The following BID variants were observed in gnomAD, a reference collection of about 807,000 sequenced individuals.
The protein encoded by BID is BH3 interacting domain death agonist.
In BID, 19 loss-of-function variants were observed where a neutral mutation model predicts 17.4. The ratio of observed to expected loss-of-function variants is 1.09; its 90% CI spans 0.76 to 1.60. The LOEUF is 1.60. Among genes scored for constraint, BID ranks in the 40% most tolerant of loss-of-function variants. BID has a pLI of 0.00. For synonymous variants in BID, 108 were observed against 102.8 expected, an observed-to-expected ratio of 1.05 and a Z score of -0.31; for missense variants, 226 against 256.0, an observed-to-expected ratio of 0.88 and a Z score of 0.80.
intron 2 of BID, among the ~76,000 whole-genome samples, chr22:17,748,149 C>T (rs1265105243): frequency 6.7e-6 from 1 of 149,356 alleles, no homozygotes; most frequent in Non-Finnish European, 1.5e-5. Context: ...GCGGAGCTGG[C>T]AGTGAGCGGA....
In BID at chr22:17,769,768, G is replaced by A. The variant is rs1398916101; in HGVS notation, c.-59+4613C>T. Among the ~76,000 whole-genome samples the A allele has an allele frequency of 6.6e-6, 1 of 152,144 alleles. No homozygotes were observed. The highest frequency in any genetic ancestry group is 1.5e-5 in the Non-Finnish European group (1 of 68,008). On this transcript the variant is annotated intron_variant, in intron 1 of 5. Coordinates refer to ENST00000622694, the MANE Select transcript of BID (RefSeq NM_001196.4). The surrounding 1 kb of genome is among the most constrained non-coding windows in gnomAD (Gnocchi z 4.8). ...AACGCAGTGACCTCCAGCACCCAAA[G>A]CTCAGAGTTCCCAGCTGAACCCAGG...
At chr22:17,747,423 G>A (rs934012921) in intron 2 of BID, among the ~76,000 whole-genome samples, 1 of 152,044 alleles carries the variant, frequency 6.6e-6, no homozygotes, top group African/African-American at 2.4e-5. Context: ...CAGGTTCAAT[G>A]GATTCTCCTG....
In BID at chr22:17,746,979, T is replaced by C. The variant is rs537540692; in HGVS notation, c.13-2966A>G. Among the ~76,000 whole-genome samples the C allele has an allele frequency of 1.9e-3, 288 of 152,302 alleles. 1 individual carries two copies. Among genetic ancestry groups the C allele is most frequent in the African/African-American group, 6.6e-3 (273 of 41,568 alleles). On this transcript the variant is annotated intron_variant, in intron 2 of 5. Coordinates refer to ENST00000622694, the MANE Select transcript of BID (RefSeq NM_001196.4). ...TTCTTTTTGACCTGCGCTTGGTAAA[T>C]TGGCATCCAGAATCTGGACACAGAG... is the stretch of plus-strand genomic sequence containing the variant.
chr22:17,751,459 G>C (rs1601854213), intron 1 of BID, among the ~76,000 whole-genome samples: 1 of 147,542 alleles, frequency 6.8e-6, no homozygotes, highest in South Asian at 2.1e-4. Flanking sequence ...GTATTTGCCT[G>C]TGTGTGTGTG....
At chr22:17,753,677 T>TA (rs565642656) in intron 1 of BID, among the ~76,000 whole-genome samples, 5 of 152,360 alleles carry the variant, frequency 3.3e-5, no homozygotes, top group African/African-American at 1.2e-4. Context: ...TCCCAACTCC[T>TA]AAACAAAGTT....
At chr22:17,756,427 TC>T (rs2061585771) in intron 1 of BID, among the ~76,000 whole-genome samples, 1 of 56,418 alleles carries the variant, frequency 1.8e-5, no homozygotes, top group Non-Finnish European at 4.1e-5. Context: ...TTTCTTTCTT[TC>T]TTTCTTCTTT....
At chr22:17,746,905 G>A (rs892296054) in intron 2 of BID, among the ~76,000 whole-genome samples, 4 of 152,148 alleles carry the variant, frequency 2.6e-5, no homozygotes, top group African/African-American at 7.2e-5. Flanking sequence ...GCTTGGAACC[G>A]CCTACAGCAG....
intron 1 of BID, among the ~76,000 whole-genome samples, chr22:17,764,785 C>T (rs2061666729): frequency 6.6e-6 from 1 of 152,146 alleles, no homozygotes; most frequent in Admixed American, 6.5e-5. Context: ...TTGAGGGTTG[C>T]TTTGATCCTG....
At chr22:17,736,449 TTC>T (rs1011193899) in intron 5 of BID, among the ~76,000 whole-genome samples, 1 of 91,118 alleles carries the variant, frequency 1.1e-5, no homozygotes, top group Admixed American at 1.3e-4. Flanking sequence ...AAGAGCAAAA[TTC>T]TGTCTCAAAA....
rs761599447 is a variant in BID at position 17,739,364 on chromosome 22, G to A, written c.348C>T (p.Thr116=). ...VNGLALQLRN[T]SRSEEDRNRD... is the part of the protein sequence containing the mutation. Reference sequence around the variant, plus strand: ...CCTCACTCACCTCCTCCGACCGGCTGGTGTTCCTGAGCTGCAGGGCCAGGC... The same window carrying A: ...CCTCACTCACCTCCTCCGACCGGCTAGTGTTCCTGAGCTGCAGGGCCAGGC... The change falls in exon 4 of 6, where the codon ACC becomes ACT. Residue 116 remains threonine (T), a synonymous_variant. Coordinates refer to ENST00000622694, the MANE Select transcript of BID (RefSeq NM_001196.4). The A allele has an allele frequency of 2.5e-6, 4 of 1,598,328 alleles. No homozygotes were observed. In the African/African-American group the frequency reaches 5.3e-5, roughly 21 times the overall value.
intron 1 of BID, among the ~76,000 whole-genome samples, chr22:17,760,609 C>T (rs762735578): frequency 2.0e-5 from 3 of 152,022 alleles, no homozygotes; most frequent in Non-Finnish European, 2.9e-5. Flanking sequence ...AGCAAACCAC[C>T]ACAATTCAGT....
intron 3 of BID, chr22:17,740,810 C>T (rs965364472): frequency 2.0e-5 from 3 of 152,602 alleles, no homozygotes; most frequent in African/African-American, 7.3e-5. Flanking sequence ...TGGGAGGACT[C>T]CTTGAGGCCA....
Position 17,738,013 on chromosome 22 carries a change from T to C in BID, c.576+4A>G. 1 of 1,614,004 alleles carries C rather than the reference T, an allele frequency of 6.2e-7. No homozygotes were observed. Among genetic ancestry groups the C allele is most frequent in the Non-Finnish European group, 8.5e-7 (1 of 1,179,868 alleles). Reference sequence around the variant, plus strand: ...GGGAAGGAGCTGACCTCAAGGGTTCTTACATTTCTGGCTAAGCTCCTCACG... The same window carrying C: ...GGGAAGGAGCTGACCTCAAGGGTTCCTACATTTCTGGCTAAGCTCCTCACG... On this transcript the variant is annotated splice_donor_region_variant and intron_variant, in intron 5 of 5. Coordinates refer to ENST00000622694, the MANE Select transcript of BID (RefSeq NM_001196.4).
intron 1 of BID, among the ~76,000 whole-genome samples, chr22:17,759,914 G>A (rs373374929): frequency 8.6e-4 from 131 of 151,914 alleles, no homozygotes; most frequent in East Asian, 2.7e-3. Flanking sequence ...AGGCCGAAGC[G>A]GGTGGATCAC....
rs374066180 is a variant in BID at position 17,761,581 on chromosome 22, G to A, written c.-58-11407C>T. Among the ~76,000 whole-genome samples the A allele has an allele frequency of 3.3e-5, 5 of 152,036 alleles. No individual in the cohort carries two copies. In the South Asian group the frequency reaches 8.3e-4, roughly 25 times the overall value. ...CGAGTAGCTGGGACTACAGGCGCCCGCCACCACGCCCGGCTAATTTTTTGT... is the reference window on the plus strand; with the variant it reads ...CGAGTAGCTGGGACTACAGGCGCCCACCACCACGCCCGGCTAATTTTTTGT... On this transcript the variant is annotated intron_variant, in intron 1 of 5. Coordinates refer to ENST00000622694, the MANE Select transcript of BID (RefSeq NM_001196.4).
intron 2 of BID, 124 bp downstream of exon 2, chr22:17,749,981 G>A: frequency 2.1e-6 from 2 of 938,794 alleles, no homozygotes; most frequent in Non-Finnish European, 3.2e-6. Context: ...CGTCTGTGCC[G>A]AGCTGTGGTA....
intron 1 of BID, among the ~76,000 whole-genome samples, chr22:17,753,030 A>G (rs1418869288): frequency 1.5e-4 from 18 of 119,442 alleles, no homozygotes; most frequent in Non-Finnish European, 2.3e-4. Context: ...GCAGTGGCGC[A>G]ATCTCGGCTC....
intron 2 of BID, among the ~76,000 whole-genome samples, chr22:17,746,451 A>G (rs2061495799): frequency 6.6e-6 from 1 of 152,224 alleles, no homozygotes; most frequent in African/African-American, 2.4e-5. Flanking sequence ...ATCAATTCCT[A>G]ACAATTCTTG....
intron 1 of BID, among the ~76,000 whole-genome samples, chr22:17,757,006 G>T (rs1299244689): frequency 9.8e-6 from 1 of 102,434 alleles, no homozygotes; most frequent in Non-Finnish European, 2.4e-5. Flanking sequence ...GTGTCAAACA[G>T]CAATGAGGGC....
Sources: allele counts gnomAD v4.1 joint callset (sites outside exome capture counted in the v4.1 genomes callset), GRCh38; gene constraint gnomAD v4.1.1; non-coding constraint Gnocchi (gnomAD v3.1); transcripts MANE v1.5; gene names NCBI Gene and HGNC (gene_info 2026-07-23, HGNC 2026-07-21).